AKAP13: variants seen among roughly 807,000 people sequenced by gnomAD.
AKAP13 encodes the protein A-kinase anchor protein 13.
In AKAP13, 80 loss-of-function variants were observed where a neutral mutation model predicts 264.5. The observed-to-expected ratio is 0.30, with a 90% CI of 0.25 to 0.36. The LOEUF is 0.36. Ranked by LOEUF, AKAP13 falls within the 10% of genes least tolerant of loss-of-function variation. The probability of loss-of-function intolerance (pLI) is 1.00; values close to 1 mark genes in which losing one functional copy is unlikely to be tolerated. For missense variants in AKAP13, 3,712 were observed against 3,435.2 expected (o/e 1.08, Z -2.01); for synonymous variants, 1,380 against 1,250.2 (o/e 1.10, Z -2.19).
chr15:85,633,550 T>C (rs1158063932), intron 8 of AKAP13, among the ~76,000 whole-genome samples: 23 of 135,984 alleles, frequency 1.7e-4, no homozygotes, highest in South Asian at 7.1e-4. Context: ...TTTTTTTTTT[T>C]TTTTTTTTTT....
intron 1 of AKAP13, among the ~76,000 whole-genome samples, chr15:85,465,304 A>G (rs1364862119): frequency 1.3e-5 from 2 of 152,192 alleles, no homozygotes; most frequent in East Asian, 3.9e-4. Flanking sequence ...TTAGTAGGCT[A>G]GAGATCTTTT....
In AKAP13 at chr15:85,468,940, C is replaced by CGGAG. The variant is rs1555432707; in HGVS notation, c.-11-16770_-11-16769insGGAG. On this transcript the variant is annotated intron_variant, in intron 1 of 36. Transcript: ENST00000394518. The stretch of plus-strand genomic sequence containing the variant: ...AAATTTTTTTTTTTTTTTAATCAGA[C>CGGAG]TTTTGCTCTTGTCACCCAGGCTGGA... Among the ~76,000 whole-genome samples the CGGAG allele has an allele frequency of 2.5e-3, 236 of 95,742 alleles. 19 individuals are homozygous for CGGAG. The highest frequency in any genetic ancestry group is 3.6e-3 in the Non-Finnish European group (180 of 50,400). 62.8% of individuals were successfully genotyped at this position (95,742 alleles called of 152,430 possible). A position where few individuals can be genotyped will look rare whatever the true frequency, so the allele number is the denominator to read the frequency against.
At chr15:85,391,856 C>T (rs2070874832) in intron 1 of AKAP13, among the ~76,000 whole-genome samples, 2 of 152,146 alleles carry the variant, frequency 1.3e-5, no homozygotes, top group East Asian at 3.9e-4. Context: ...GCGATCTCGG[C>T]TCACTGCAAC....
At chr15:85,549,620 T>C (rs922765039) in intron 5 of AKAP13, among the ~76,000 whole-genome samples, 1 of 152,312 alleles carries the variant, frequency 6.6e-6, no homozygotes, top group Non-Finnish European at 1.5e-5. Flanking sequence ...AGTCCAAGGC[T>C]ATATAGAAAA....
chr15:85,526,353 A>C, intron 3 of AKAP13, among the ~76,000 whole-genome samples: 1 of 151,972 alleles, frequency 6.6e-6, no homozygotes, highest in Non-Finnish European at 1.5e-5. Flanking sequence ...TTGACTTCCC[A>C]GGCTGAAGTT....
intron 1 of AKAP13, among the ~76,000 whole-genome samples, chr15:85,425,694 C>T (rs1473945327): frequency 2.1e-5 from 3 of 141,572 alleles, no homozygotes; most frequent in Non-Finnish European, 3.0e-5. Flanking sequence ...CCAGCCTGGG[C>T]GACAGAGTGA....
chr15:85,598,511 G>A (rs141614501), intron 8 of AKAP13, among the ~76,000 whole-genome samples: 2 of 152,260 alleles, frequency 1.3e-5, no homozygotes, highest in African/African-American at 4.8e-5. Context: ...AGATTCCAAC[G>A]GTAAATTATG....
chr15:85,721,870 CT>C (rs2087310241), intron 23 of AKAP13, 120 bp from the exon 24 acceptor site: 2 of 1,477,960 alleles, frequency 1.4e-6, no homozygotes, highest in South Asian at 1.4e-5. Context: ...CCATTTCATT[CT>C]TTTGGGAGAA....
chr15:85,664,778 T>C (rs2083501257), intron 13 of AKAP13, 23 bp downstream of exon 13: 1 of 1,591,956 alleles, frequency 6.3e-7, no homozygotes, highest in African/African-American at 1.4e-5. Flanking sequence ...TATGTCTAAT[T>C]TGGAAAAAAT....
chr15:85,560,659 CTTT>C (rs1308112300), intron 5 of AKAP13, among the ~76,000 whole-genome samples: 1 of 99,924 alleles, frequency 1.0e-5, no homozygotes, highest in Non-Finnish European at 2.3e-5. Flanking sequence ...TTGAGGCCCT[CTTT>C]TATTATGAGT....
At chr15:85,406,342 G>A (rs1198572682) in intron 1 of AKAP13, among the ~76,000 whole-genome samples, 7 of 151,320 alleles carry the variant, frequency 4.6e-5, no homozygotes, top group African/African-American at 1.7e-4. Flanking sequence ...TATGATTGTG[G>A]TTTCAAGTCT....
intron 13 of AKAP13, 139 bp from the exon 14 acceptor site, chr15:85,669,583 T>C (rs1264855387): frequency 1.1e-5 from 6 of 550,062 alleles, no homozygotes. Context: ...CCTAAGTCTG[T>C]CTGACCACAA....
Position 85,727,244 on chromosome 15 carries a change from C to T in AKAP13, c.7001C>T (p.Thr2334Ile), listed in dbSNP as rs751106747. Residue 2334 changes from threonine to isoleucine, a missense_variant, in exon 28 of 37, where the codon ACC (threonine) becomes ATC (isoleucine). Physicochemically the swap from Thr to Ile is moderately conservative, Grantham distance 89 (BLOSUM62 -1). Coordinates refer to ENST00000394518, the MANE Select transcript of AKAP13 (RefSeq NM_007200.5). The surrounding 1 kb of genome is among the most constrained non-coding windows in gnomAD (Gnocchi z 5.3). ...WIQIIQDTINTLNRDEDEGIP... is the reference protein window; with the variant it reads ...WIQIIQDTINILNRDEDEGIP... ...CAGATCATTCAGGACACAATCAACA[C>T]CCTGTAAGTTAACCACCAGGCCCCA... is the stretch of plus-strand genomic sequence containing the variant. 1.2e-5 allele frequency: 20 copies of T among 1,613,962 alleles called. No homozygotes were observed. Among genetic ancestry groups the T allele is most frequent in the Middle Eastern group, 3.3e-4 (2 of 6,084 alleles).
chr15:85,740,775 A>ACCCCC (rs34080252), intron 34 of AKAP13, among the ~76,000 whole-genome samples: 77 of 67,384 alleles, frequency 1.1e-3, no homozygotes, highest in Non-Finnish European at 1.2e-3. Flanking sequence ...ACACACAACC[A>ACCCCC]CCCCCCCCCC....
Position 85,458,386 on chromosome 15 carries a change from G to GTT in AKAP13, c.-11-27319_-11-27318dup, listed in dbSNP as rs1160050565. ...TTTTTTCTCTTTTTTTGTATTTTTT[G>GTT]TTTTTTGTTTTTTTTTTTTTTTACT... On this transcript the variant is annotated intron_variant, in intron 1 of 36. Transcript: ENST00000394518. Among the ~76,000 whole-genome samples the GTT allele has an allele frequency of 6.4e-4, 66 of 103,872 alleles. 1 individual carries two copies. The highest frequency in any genetic ancestry group is 3.1e-3 in the African/African-American group (61 of 19,542). The allele number at this position is 103,872 out of a possible 152,430, so 68.1% of individuals were successfully genotyped here. A position where few individuals can be genotyped will look rare whatever the true frequency, so the allele number is the denominator to read the frequency against.
chr15:85,580,552 A>G lies in AKAP13; in HGVS notation c.2484A>G (p.Pro828=). 1 of 1,614,230 alleles carries G rather than the reference A, an allele frequency of 6.2e-7. No individual in the cohort carries two copies. The highest frequency in any genetic ancestry group is 1.6e-4 in the Middle Eastern group (1 of 6,062). ...CAGCTACAGATTATAGAGATGGCCCAGATGGAAATTCGAATGAGCCTGATA... is the reference window on the plus strand; with the variant it reads ...CAGCTACAGATTATAGAGATGGCCCGGATGGAAATTCGAATGAGCCTGATA... The part of the protein sequence containing the change: ...LHTATDYRDG[P]DGNSNEPDTR... Residue 828 remains proline, a synonymous_variant, in exon 7 of 37, where the codon CCA becomes CCG. Coordinates refer to ENST00000394518, the MANE Select transcript of AKAP13 (RefSeq NM_007200.5).
chr15:85,425,331 G>A (rs1195829299), intron 1 of AKAP13, among the ~76,000 whole-genome samples: 2 of 152,014 alleles, frequency 1.3e-5, no homozygotes, highest in Admixed American at 6.6e-5. Flanking sequence ...CAGTTTTCTA[G>A]GTGTGTTTAT....
At chr15:85,721,509 G>A (rs1489199328) in intron 23 of AKAP13, among the ~76,000 whole-genome samples, 1 of 152,154 alleles carries the variant, frequency 6.6e-6, no homozygotes, top group Non-Finnish European at 1.5e-5. Context: ...TGATTTAAGG[G>A]CCTCATAGAA....
intron 14 of AKAP13, among the ~76,000 whole-genome samples, chr15:85,673,122 TTG>T (rs1180193836): frequency 5.3e-5 from 8 of 152,222 alleles, no homozygotes; most frequent in Admixed American, 2.6e-4. Flanking sequence ...CACTGAGCTG[TTG>T]TCCAGAATGT....
Sources: gnomAD v4.1 joint callset for allele counts (sites outside exome capture counted in the v4.1 genomes callset) on GRCh38, gnomAD v4.1.1 for gene constraint, Gnocchi (gnomAD v3.1) non-coding constraint, MANE v1.5 for transcripts, NCBI Gene and HGNC (gene_info 2026-07-23, HGNC 2026-07-21) for gene names.